ARPC4: variants seen among roughly 807,000 people sequenced by gnomAD.
ARPC4 encodes actin-related protein 2/3 complex subunit 4.
In ARPC4, 3 loss-of-function variants were observed where a neutral mutation model predicts 22.8. That is an observed-to-expected ratio of 0.13 (90% confidence interval 0.06 to 0.34). The LOEUF (loss-of-function observed/expected upper bound fraction) is 0.34, where lower values mean the gene tolerates loss of function less well. Ranked by LOEUF, ARPC4 falls within the 10% of genes least tolerant of loss-of-function variation. The pLI, the probability that ARPC4 is intolerant of heterozygous loss-of-function variation, is 1.00. For missense variants in ARPC4, 98 were observed against 211.0 expected (o/e 0.46, Z 3.32); for synonymous variants, 80 against 72.5 (o/e 1.10, Z -0.52).
At chr3:9,796,914 C>T (rs906280254) in intron 1 of ARPC4, among the ~76,000 whole-genome samples, 1 of 130,434 alleles carries the variant, frequency 7.7e-6, no homozygotes, top group Non-Finnish European at 1.5e-5. Context: ...GCGCTCCAGC[C>T]TGGGCAACAG....
At chr3:9,803,468 A>C (rs1167126618) in intron 4 of ARPC4, 1 of 461,744 alleles carries the variant, frequency 2.2e-6, no homozygotes, top group Non-Finnish European at 4.3e-6. Context: ...GCAGAAAAAG[A>C]CCCTTAATCC....
chr3:9,795,726 A>G (rs370585883), intron 1 of ARPC4, among the ~76,000 whole-genome samples: 6 of 152,240 alleles, frequency 3.9e-5, no homozygotes, highest in Non-Finnish European at 7.3e-5. Flanking sequence ...GTTGGAGGCT[A>G]TATAGCTGTG....
chr3:9,792,753 A>T, upstream of ARPC4: 5 of 1,243,516 alleles, frequency 4.0e-6, no homozygotes, highest in Non-Finnish European at 5.0e-6. Flanking sequence ...GGAAGAAACG[A>T]AGGGCTCGTC....
At chr3:9,793,971 C>A (rs1258701548) in intron 1 of ARPC4, among the ~76,000 whole-genome samples, 2 of 152,164 alleles carry the variant, frequency 1.3e-5, no homozygotes, top group African/African-American at 4.8e-5. Flanking sequence ...ACCTCTAGTT[C>A]AAAACTCATA....
At chr3:9,799,236 A>G (rs1042781504) in intron 2 of ARPC4, among the ~76,000 whole-genome samples, 4 of 152,214 alleles carry the variant, frequency 2.6e-5, no homozygotes, top group Admixed American at 2.6e-4. Context: ...CTTACCTCTA[A>G]GACAGGTGTT....
At chr3:9,805,044 C>T (rs2079080831) in intron 5 of ARPC4, among the ~76,000 whole-genome samples, 1 of 152,184 alleles carries the variant, frequency 6.6e-6, no homozygotes, top group Non-Finnish European at 1.5e-5. Flanking sequence ...AAACGTAGCA[C>T]CTGGTACATA....
intron 5 of ARPC4, among the ~76,000 whole-genome samples, chr3:9,805,150 A>G (rs1022884960): frequency 4.6e-5 from 7 of 152,216 alleles, no homozygotes; most frequent in South Asian, 4.1e-4. Context: ...TCTTGTTCCA[A>G]TTGAATATTT....
chr3:9,795,988 C>T lies in ARPC4; in HGVS notation c.4-1671C>T, dbSNP rs140385611. ...GTGCACACTTGTCATCTCAGCTATT[C>T]GCATGGCTGAGGCAGGTGAATCACT... On this transcript the variant is annotated intron_variant, in intron 1 of 5. Coordinates refer to ENST00000397261, the MANE Select transcript of ARPC4 (RefSeq NM_005718.5). Among the ~76,000 whole-genome samples the T allele has an allele frequency of 1.1e-4, 16 of 152,274 alleles. No individual in the cohort carries two copies. In the East Asian group the frequency reaches 2.1e-3, roughly 20 times the overall value.
intron 2 of ARPC4, among the ~76,000 whole-genome samples, chr3:9,799,089 A>G (rs765046763): frequency 1.3e-5 from 2 of 152,204 alleles, no homozygotes; most frequent in African/African-American, 4.8e-5. Context: ...CCACACCACA[A>G]TTAATTACTA....
rs199893649 is a variant in ARPC4, at chr3:9,806,456, A to AT, written c.*249dup. 2.8e-3 allele frequency: 1,524 copies of AT among 540,366 alleles called. 13 individuals are homozygous for AT. The highest frequency in any genetic ancestry group is 0.025 in the African/African-American group (1,272 of 51,066). The allele number at this position is 540,366 out of a possible 1,614,324, so 33.5% of individuals were successfully genotyped here. On this transcript the variant is annotated 3_prime_UTR_variant, in exon 6 of 6. Transcript: ENST00000397261. ...TGTTCAGTCCCCTGGGCCGGGACAG[A>AT]TTTTTTTTAACGTCTTGAAACTTAA...
In ARPC4 at chr3:9,797,678, A is replaced by G. The variant is rs755000138; in HGVS notation, c.23A>G (p.Tyr8Cys). Reference sequence around the variant, plus strand: ...CTATAGACTGCCACTCTCCGCCCCTACCTGAGTGCCGTGCGGGCCACATTG... The same window carrying G: ...CTATAGACTGCCACTCTCCGCCCCTGCCTGAGTGCCGTGCGGGCCACATTG... MTATLRP[Y>C]LSAVRATLQA... The change falls in exon 2 of 6, where the codon TAC becomes TGC. Residue 8 changes from tyrosine (Y) to cysteine (C), a missense_variant. Tyr to Cys is a radical substitution (Grantham distance 194). Coordinates refer to ENST00000397261, the MANE Select transcript of ARPC4 (RefSeq NM_005718.5). 6.2e-7 allele frequency: 1 copy of G among 1,613,886 alleles called. No individual in the cohort carries two copies. The highest frequency in any genetic ancestry group is 8.5e-7 in the Non-Finnish European group (1 of 1,179,914).
chr3:9,795,495 TG>T (rs1276250618), intron 1 of ARPC4, among the ~76,000 whole-genome samples: 1 of 152,120 alleles, frequency 6.6e-6, no homozygotes, highest in African/African-American at 2.4e-5. Context: ...AAGCTAAACT[TG>T]GTAGCCTGGC....
intron 1 of ARPC4, among the ~76,000 whole-genome samples, chr3:9,796,795 G>A (rs1010198727): frequency 3.3e-5 from 5 of 152,028 alleles, no homozygotes; most frequent in Non-Finnish European, 7.4e-5. Context: ...CAAAAAGTTA[G>A]CCGGGTGTGG....
At chr3:9,801,538 G>A (rs1462581437) in intron 3 of ARPC4, 123 bp from the exon 4 acceptor site, 7 of 902,872 alleles carry the variant, frequency 7.8e-6, no homozygotes, top group African/African-American at 1.7e-5. Flanking sequence ...TGATCCTTCC[G>A]AGTACCAAAC....
intron 4 of ARPC4, among the ~76,000 whole-genome samples, chr3:9,802,507 C>G (rs2079031980): frequency 6.6e-6 from 1 of 150,738 alleles, no homozygotes; most frequent in Non-Finnish European, 1.5e-5. Flanking sequence ...TCCTGAGTAG[C>G]TGGGACTACA....
At chr3:9,801,384 G>A (rs916581027) in intron 3 of ARPC4, among the ~76,000 whole-genome samples, 1 of 152,056 alleles carries the variant, frequency 6.6e-6, no homozygotes, top group Non-Finnish European at 1.5e-5. Flanking sequence ...AAATGAGAAT[G>A]GAAAGGGCAG....
At chr3:9,797,865 C>T in intron 2 of ARPC4, 88 bp downstream of exon 2, 1 of 1,318,256 alleles carries the variant, frequency 7.6e-7, no homozygotes, top group Non-Finnish European at 1.0e-6. Flanking sequence ...TTATGTCCTG[C>T]AGTAGTCAGG....
At chr3:9,792,932 C>G (rs2078778557), upstream of ARPC4, 1 of 1,396,930 alleles carries the variant, frequency 7.2e-7, no homozygotes, top group South Asian at 1.6e-5. Context: ...TTAAAAATAC[C>G]GAGACAGCCC....
chr3:9,801,603 G>T (rs2079012036), intron 3 of ARPC4, 58 bp from the exon 4 acceptor site: 2 of 1,516,666 alleles, frequency 1.3e-6, no homozygotes, highest in Non-Finnish European at 1.8e-6. Context: ...CAGGCTACAA[G>T]GTGTTTTTGG....
Sources: gnomAD v4.1 joint callset for allele counts (sites outside exome capture counted in the v4.1 genomes callset) on GRCh38, gnomAD v4.1.1 for gene constraint, MANE v1.5 for transcripts, NCBI Gene and HGNC (gene_info 2026-07-23, HGNC 2026-07-21) for gene names.